FAM193A: variants seen among roughly 807,000 people sequenced by gnomAD.
FAM193A encodes the protein family with sequence similarity 193 member A, also known as protein FAM193A.
In FAM193A, 22 loss-of-function variants were observed where a neutral mutation model predicts 126.5. The ratio of observed to expected loss-of-function variants is 0.17; its 90% confidence interval spans 0.12 to 0.25. FAM193A has a LOEUF of 0.25. FAM193A is among the 10% of genes least tolerant of loss of function. FAM193A has a pLI of 1.00. For missense variants in FAM193A, 1,675 were observed against 1,672.8 expected, an observed-to-expected ratio of 1.00 and a Z score of -0.02; for synonymous variants, 761 against 646.8, an observed-to-expected ratio of 1.18 and a Z score of -2.68.
At chr4:2,544,857 G>A (rs190214296) in intron 1 of FAM193A, among the ~76,000 whole-genome samples, 27 of 152,020 alleles carry the variant, frequency 1.8e-4, no homozygotes, top group Admixed American at 4.6e-4. Flanking sequence ...TGGGTGACAG[G>A]GAGACCTCAT....
At chr4:2,658,155 A>G (rs1419509783) in intron 8 of FAM193A, among the ~76,000 whole-genome samples, 2 of 152,138 alleles carry the variant, frequency 1.3e-5, no homozygotes, top group African/African-American at 4.8e-5. Context: ...TTTGCAAAGG[A>G]TATTACCTGA....
At chr4:2,631,408 T>A (rs747278274) in intron 5 of FAM193A, among the ~76,000 whole-genome samples, 1 of 152,114 alleles carries the variant, frequency 6.6e-6, no homozygotes, top group Non-Finnish European at 1.5e-5. Context: ...ATGGTAGTAC[T>A]GTTTGGAGGA....
chr4:2,584,123 T>C (rs1166903119), intron 1 of FAM193A, among the ~76,000 whole-genome samples: 4 of 152,216 alleles, frequency 2.6e-5, no homozygotes, highest in African/African-American at 9.6e-5. Flanking sequence ...CTATTTCAAC[T>C]TAATTTTGGG....
chr4:2,658,774 A>G (rs372662276), intron 8 of FAM193A, among the ~76,000 whole-genome samples: 6 of 152,180 alleles, frequency 3.9e-5, no homozygotes, highest in African/African-American at 1.4e-4. Context: ...GTTTTGAGAC[A>G]AAGTCTCACT....
chr4:2,606,036 T>C (rs1161640435), intron 2 of FAM193A, among the ~76,000 whole-genome samples: 31 of 140,298 alleles, frequency 2.2e-4, no homozygotes, highest in African/African-American at 8.1e-4. Context: ...TTGTATATTT[T>C]GCAAACCTCT....
chr4:2,721,451 T>TC (rs1265871187), intron 20 of FAM193A, among the ~76,000 whole-genome samples: 1 of 150,124 alleles, frequency 6.7e-6, no homozygotes, highest in Non-Finnish European at 1.5e-5. Flanking sequence ...TTACGCCACC[T>TC]CACTCCAGCC....
intron 2 of FAM193A, chr4:2,608,152 A>C (rs1396277594): frequency 3.1e-6 from 5 of 1,587,674 alleles, no homozygotes; most frequent in Non-Finnish European, 3.4e-6. Flanking sequence ...TGAAAATAAA[A>C]AAATAAAAAT....
chr4:2,545,483 C>T (rs1040578555), intron 1 of FAM193A, among the ~76,000 whole-genome samples: 8 of 151,966 alleles, frequency 5.3e-5, no homozygotes, highest in Non-Finnish European at 1.2e-4. Flanking sequence ...TGTTTTATGG[C>T]TGCTATGAGT....
At chr4:2,550,879 C>A (rs1225764786) in intron 1 of FAM193A, among the ~76,000 whole-genome samples, 1 of 151,720 alleles carries the variant, frequency 6.6e-6, no homozygotes, top group Non-Finnish European at 1.5e-5. Flanking sequence ...CGGCTCACTG[C>A]AAGCTCTGCC....
intron 2 of FAM193A, among the ~76,000 whole-genome samples, chr4:2,621,160 G>A (rs1379929804): frequency 1.3e-5 from 2 of 152,150 alleles, no homozygotes; most frequent in Admixed American, 6.6e-5. Flanking sequence ...GAAAAGCACA[G>A]GAACCTGGAG....
At chr4:2,690,670 G>C (rs1433302364) in intron 14 of FAM193A, 28 bp from the exon 15 acceptor site, 25 of 1,590,342 alleles carry the variant, frequency 1.6e-5, no homozygotes, top group Non-Finnish European at 2.1e-5. Context: ...GCTGTCAGAA[G>C]CCTTAATTTT....
chr4:2,669,686 C>T (rs1487237031), intron 12 of FAM193A, among the ~76,000 whole-genome samples: 1 of 152,206 alleles, frequency 6.6e-6, no homozygotes, highest in East Asian at 1.9e-4. Flanking sequence ...TGAGTGAGAG[C>T]TACAGAGACA....
intron 13 of FAM193A, 87 bp from the exon 14 acceptor site, chr4:2,689,419 A>G: frequency 1.0e-6 from 1 of 952,744 alleles, no homozygotes; most frequent in East Asian, 2.8e-5. Flanking sequence ...TGAGGCTCAT[A>G]ATGAATTGTC....
chr4:2,704,127 G>A (rs1055201134), intron 19 of FAM193A, among the ~76,000 whole-genome samples: 1 of 152,058 alleles, frequency 6.6e-6, no homozygotes, highest in Non-Finnish European at 1.5e-5. Flanking sequence ...GTTGGGCGTG[G>A]TGGCACACGC....
intron 12 of FAM193A, among the ~76,000 whole-genome samples, chr4:2,669,250 A>G (rs1577173249): frequency 1.3e-5 from 2 of 152,242 alleles, no homozygotes; most frequent in Admixed American, 1.3e-4. Flanking sequence ...CCTTCCTTTA[A>G]TATGTCTTAC....
chr4:2,549,020 C>T (rs1049742884), intron 1 of FAM193A, among the ~76,000 whole-genome samples: 5 of 150,660 alleles, frequency 3.3e-5, no homozygotes, highest in Non-Finnish European at 7.4e-5. Context: ...CTCACTGCAA[C>T]CTCCGCCTCC....
At chr4:2,620,836 CAAAAAAA>C (rs34305537) in intron 2 of FAM193A, among the ~76,000 whole-genome samples, 21 of 69,092 alleles carry the variant, frequency 3.0e-4, no homozygotes, top group African/African-American at 1.2e-3. Context: ...AACTCCGTCT[CAAAAAAA>C]AAAAAAAAAA....
chr4:2,664,645 C>T (rs1712897451), intron 12 of FAM193A, among the ~76,000 whole-genome samples: 1 of 139,812 alleles, frequency 7.2e-6, no homozygotes, highest in Non-Finnish European at 1.5e-5. Flanking sequence ...CGCCTCACTG[C>T]AACCTCTCCC....
chr4:2,710,525 G>C (rs1180082984), intron 19 of FAM193A, among the ~76,000 whole-genome samples: 1 of 150,326 alleles, frequency 6.7e-6, no homozygotes, highest in Non-Finnish European at 1.5e-5. Flanking sequence ...TTTTAAGACA[G>C]AGTCTCACTC....
Sources: allele counts gnomAD v4.1 joint callset (sites outside exome capture counted in the v4.1 genomes callset), GRCh38; gene constraint gnomAD v4.1.1; transcripts MANE v1.5; gene names NCBI Gene and HGNC (gene_info 2026-07-23, HGNC 2026-07-21).